The following ZNF107 variants were observed in gnomAD, a reference collection of about 807,000 sequenced individuals.
ZNF107 encodes zinc finger protein 107.
Under a neutral mutation model 12.3 loss-of-function variants are expected in ZNF107, and 19 were observed. The observed-to-expected ratio is 1.55, with a 90% CI of 1.08 to 2.27. The LOEUF is 2.27. Among genes scored for constraint, ZNF107 ranks in the 30% most tolerant of loss-of-function variants. The pLI is 0.00. For missense variants in ZNF107, 958 were observed against 979.9 expected, an observed-to-expected ratio of 0.98 and a Z score of 0.30; for synonymous variants, 317 against 330.5, an observed-to-expected ratio of 0.96 and a Z score of 0.44.
At position 64,708,134 on chromosome 7, in the gene ZNF107, T is replaced by G. The variant is rs1402556148; in HGVS notation, c.2037T>G (p.Cys679Trp). 1.2e-6 allele frequency: 2 copies of G among 1,612,024 alleles called. No homozygotes were observed. Among genetic ancestry groups the G allele is most frequent in the African/African-American group, 1.3e-5 (1 of 74,824 alleles). Residue 679 changes from cysteine (C) to tryptophan (W), a missense_variant, in exon 4 of 4, where the codon TGT becomes TGG. Coordinates refer to ENST00000620827, the MANE Select transcript of ZNF107 (RefSeq NM_001282359.2). ...ATACTGGAGAGAAACCCCACAAATG[T>G]GAAGAATGTGGAAAAGCTTATAACC... ...IIYTGEKPHK[C>W]EECGKAYNRF...
Position 64,709,387 on chromosome 7 carries a change from A to G in ZNF107, c.*731A>G, listed in dbSNP as rs1790810064. On this transcript the variant is annotated 3_prime_UTR_variant, in exon 4 of 4. Transcript: ENST00000620827. ...CTTTGAGAGAAACCCTGCAAATGTG[A>G]ATAATGTGGCAATACTTTAAACCAA... is the stretch of plus-strand genomic sequence containing the variant. 1.8e-5 allele frequency: 6 copies of G among 339,268 alleles called. No homozygotes were observed. The highest frequency in any genetic ancestry group is 2.8e-5 in the Non-Finnish European group (5 of 175,914). 21.0% of individuals were successfully genotyped at this position (339,268 alleles called of 1,614,324 possible). A position where few individuals can be genotyped will look rare whatever the true frequency, so the allele number is the denominator to read the frequency against.
At chr7:64,678,292 T>G (rs1379395526) in intron 1 of ZNF107, among the ~76,000 whole-genome samples, 11 of 152,242 alleles carry the variant, frequency 7.2e-5, no homozygotes, top group African/African-American at 2.7e-4. Flanking sequence ...GACTAAAAAA[T>G]GCTGAGTAAA....
chr7:64,685,844 C>T lies in ZNF107; in HGVS notation c.4-5404C>T, dbSNP rs1253948927. On this transcript the variant is annotated intron_variant, in intron 1 of 3. Coordinates refer to ENST00000620827, the MANE Select transcript of ZNF107 (RefSeq NM_001282359.2). The stretch of plus-strand genomic sequence containing the variant: ...CTAAGCCCCAAAATTGACATTGCCC[C>T]TGGAAACCAAACCTTACCAGTCCCT... Among the ~76,000 whole-genome samples the T allele has an allele frequency of 2.6e-5, 4 of 152,184 alleles. No homozygotes were observed. The East Asian group carries it at 7.7e-4, about 29-fold the overall frequency.
chr7:64,690,829 C>A (rs2128962709), intron 1 of ZNF107, among the ~76,000 whole-genome samples: 1 of 152,120 alleles, frequency 6.6e-6, no homozygotes, highest in South Asian at 2.1e-4. Context: ...GCAGCTTTTG[C>A]CTCCCGGGTT....
At chr7:64,706,242 G>A in intron 3 of ZNF107, 82 bp from the exon 4 acceptor site, 2 of 1,271,972 alleles carry the variant, frequency 1.6e-6, no homozygotes, top group Non-Finnish European at 2.1e-6. Flanking sequence ...TATGTAGTTT[G>A]TATAATTTTA....
intron 3 of ZNF107, among the ~76,000 whole-genome samples, chr7:64,705,586 T>G (rs1056709958): frequency 1.3e-5 from 2 of 152,174 alleles, no homozygotes; most frequent in Non-Finnish European, 2.9e-5. Context: ...CATCACAATC[T>G]TTATAATGTA....
At chr7:64,689,737 C>G (rs1196930519) in intron 1 of ZNF107, 1 of 152,454 alleles carries the variant, frequency 6.6e-6, no homozygotes, top group Non-Finnish European at 1.5e-5. Context: ...TCACAATCAC[C>G]TAGGCATCTT....
At chr7:64,687,736 G>A (rs1017628456) in intron 1 of ZNF107, among the ~76,000 whole-genome samples, 3 of 152,160 alleles carry the variant, frequency 2.0e-5, no homozygotes, top group East Asian at 1.9e-4. Flanking sequence ...TATTGTGACC[G>A]TCTTTCTGTC....
rs541916834 is a variant in ZNF107 at position 64,680,413 on chromosome 7, T to G, written c.4-10835T>G. Among the ~76,000 whole-genome samples the G allele has an allele frequency of 4.6e-5, 7 of 152,304 alleles. No homozygotes were observed. The South Asian group carries it at 1.4e-3, about 32-fold the overall frequency. ...GTGTTTGGGCCCTAGCTCAGTCCTA[T>G]GCAGGTGACCACTGGCGCCTTGAGC... On this transcript the variant is annotated intron_variant, in intron 1 of 3. Coordinates refer to ENST00000620827, the MANE Select transcript of ZNF107 (RefSeq NM_001282359.2).
At chr7:64,691,034 G>A (rs554737061) in intron 1 of ZNF107, among the ~76,000 whole-genome samples, 210 of 151,976 alleles carry the variant, frequency 1.4e-3, no homozygotes, top group Non-Finnish European at 1.8e-3. Flanking sequence ...CACCGCGCTC[G>A]GCCTAATTTT....
chr7:64,708,094 A>AC lies in ZNF107; in HGVS notation c.1999dup (p.His667ProfsTer2). 1 of 1,613,182 alleles carries AC rather than the reference A, an allele frequency of 6.2e-7. No homozygotes were observed. ...TTTAACCTATTCTCAAACATTACTAACCATAAGATAATTTATACTGGAGAG... is the reference window on the plus strand; with the variant it reads ...TTTAACCTATTCTCAAACATTACTAACCCATAAGATAATTTATACTGGAGAG... On this transcript the variant is annotated frameshift_variant, in exon 4 of 4. Transcript: ENST00000620827. LOFTEE classifies it low-confidence loss of function (END_TRUNC).
chr7:64,704,932 G>A (rs2128967775), intron 3 of ZNF107, among the ~76,000 whole-genome samples: 1 of 152,244 alleles, frequency 6.6e-6, no homozygotes, highest in Middle Eastern at 3.4e-3. Context: ...ACTTGCCTTG[G>A]TCTCCCAATG....
intron 3 of ZNF107, among the ~76,000 whole-genome samples, chr7:64,692,649 A>G (rs962507320): frequency 6.6e-6 from 1 of 152,060 alleles, no homozygotes; most frequent in Admixed American, 6.5e-5. Flanking sequence ...TTCAATCCAT[A>G]TTCATAAAAT....
intron 1 of ZNF107, chr7:64,689,745 C>G (rs1790053518): frequency 6.6e-6 from 1 of 152,352 alleles, no homozygotes; most frequent in African/African-American, 2.4e-5. Flanking sequence ...ACCTAGGCAT[C>G]TTTGAGATAT....
chr7:64,671,479 T>G (rs771534268), intron 1 of ZNF107, among the ~76,000 whole-genome samples: 1 of 152,184 alleles, frequency 6.6e-6, no homozygotes, highest in Non-Finnish European at 1.5e-5. Flanking sequence ...GCCTGCTCTC[T>G]CCACCAACCA....
At chr7:64,676,112 A>G (rs1789407263) in intron 1 of ZNF107, among the ~76,000 whole-genome samples, 1 of 152,148 alleles carries the variant, frequency 6.6e-6, no homozygotes. Context: ...TCTTCCTCCC[A>G]AAGTGCTGGG....
intron 3 of ZNF107, among the ~76,000 whole-genome samples, chr7:64,700,506 C>CGTTTTTTTTTTTTTTTT (rs368830901): frequency 1.5e-5 from 1 of 66,226 alleles, no homozygotes; most frequent in African/African-American, 6.2e-5. Flanking sequence ...CCAAATAAAC[C>CGTTTTTTTTTTTTTTTT]TTTTTTTTTT....
At chr7:64,683,879 A>G (rs1789789843) in intron 1 of ZNF107, among the ~76,000 whole-genome samples, 1 of 152,218 alleles carries the variant, frequency 6.6e-6, no homozygotes, top group Non-Finnish European at 1.5e-5. Context: ...TACCTTCACC[A>G]GATGGGTCGA....
intron 1 of ZNF107, among the ~76,000 whole-genome samples, chr7:64,670,829 A>C (rs1274557564): frequency 6.6e-6 from 1 of 152,104 alleles, no homozygotes; most frequent in African/African-American, 2.4e-5. Context: ...TGTTTTGCAG[A>C]GTTCTGTGAG....
Sources: gnomAD v4.1 joint callset for allele counts (sites outside exome capture counted in the v4.1 genomes callset) on GRCh38, gnomAD v4.1.1 for gene constraint, MANE v1.5 for transcripts, NCBI Gene and HGNC (gene_info 2026-07-23, HGNC 2026-07-21) for gene names.